Variants in IL32 observed in about 807,000 individuals in gnomAD.
The protein encoded by IL32 is interleukin-32.
Under a neutral mutation model 16.6 loss-of-function variants are expected in IL32, and 30 were observed. The observed-to-expected ratio is 1.81, with a 90% confidence interval of 1.35 to 2.45. IL32 has a LOEUF of 2.45. Ranked by LOEUF, IL32 falls within the 30% of genes most tolerant of loss-of-function variation. IL32 has a pLI of 0.00. For missense variants in IL32, 234 were observed against 229.8 expected, an observed-to-expected ratio of 1.02 and a Z score of -0.12; for synonymous variants, 70 against 86.1, an observed-to-expected ratio of 0.81 and a Z score of 1.03.
At chr16:3,068,808 T>A (rs113198918) in intron 6 of IL32, 182 bp from the exon 7 acceptor site, 1 of 939,584 alleles carries the variant, frequency 1.1e-6, no homozygotes, top group Non-Finnish European at 1.6e-6. Flanking sequence ...GCCATGGAGG[T>A]GAATGCAGAG....
chr16:3,065,584 C>T (rs1567136720), upstream of IL32: 2 of 634,454 alleles, frequency 3.2e-6, no homozygotes, highest in Non-Finnish European at 5.7e-6. Context: ...CTGAGAGAGG[C>T]TCCGCCCACT....
chr16:3,065,847 G>A, intron 2 of IL32, 21 bp downstream of exon 2: 1 of 1,614,004 alleles, frequency 6.2e-7, no homozygotes, highest in South Asian at 1.1e-5. Flanking sequence ...GGCTGCGTGT[G>A]CTTTTGTGGG....
chr16:3,066,737 A>G (rs905981033), intron 2 of IL32, among the ~76,000 whole-genome samples: 1 of 152,172 alleles, frequency 6.6e-6, no homozygotes, highest in Non-Finnish European at 1.5e-5. Context: ...TCAGAGAGGA[A>G]TGGCTGCTGT....
chr16:3,066,472 C>T (rs935767318), intron 2 of IL32, among the ~76,000 whole-genome samples: 1 of 152,210 alleles, frequency 6.6e-6, no homozygotes, highest in Non-Finnish European at 1.5e-5. Flanking sequence ...CAGAATATGT[C>T]CCCAGGCCCT....
At chr16:3,066,299 AG>A (rs1453923156) in intron 2 of IL32, among the ~76,000 whole-genome samples, 2 of 152,120 alleles carry the variant, frequency 1.3e-5, no homozygotes, top group Non-Finnish European at 2.9e-5. Context: ...CTGTGACAAT[AG>A]GGGTTTCCAT....
At chr16:3,067,341 A>C (rs1447325108) in intron 2 of IL32, 36 bp from the exon 3 acceptor site, 2 of 1,252,540 alleles carry the variant, frequency 1.6e-6, no homozygotes, top group Admixed American at 4.4e-5. Context: ...GGTTAAGGTG[A>C]CACATGGAGA....
Position 3,069,483 on chromosome 16 carries a change from A to G in IL32, c.*128A>G. The G allele has an allele frequency of 8.6e-7, 1 of 1,162,504 alleles. No individual in the cohort carries two copies. The highest frequency in any genetic ancestry group is 1.2e-6 in the Non-Finnish European group (1 of 822,948). 72.0% of individuals were successfully genotyped at this position (1,162,504 alleles called of 1,614,324 possible). A position where few individuals can be genotyped will look rare whatever the true frequency, so the allele number is the denominator to read the frequency against. On this transcript the variant is annotated 3_prime_UTR_variant, in exon 7 of 7. Transcript: ENST00000525643. ...GCCTGGCGTTCCTGCCGCAGCTCTG[A>G]CCTGGTGCTGTCGCCCTGGCATCTT...
intron 2 of IL32, 149 bp downstream of exon 2, chr16:3,065,975 T>A (rs772781958): frequency 7.1e-5 from 68 of 960,478 alleles, no homozygotes; most frequent in Non-Finnish European, 1.0e-4. Flanking sequence ...GGTGAGAGTG[T>A]CAGTGGAGGC....
rs545754153 is a variant in IL32 at position 3,066,865 on chromosome 16, C to T, written c.16-512C>T. On this transcript the variant is annotated intron_variant, in intron 2 of 6. Coordinates refer to ENST00000525643, the MANE Select transcript of IL32 (RefSeq NM_001376923.1). The stretch of plus-strand genomic sequence containing the variant: ...CTGCTCCAGGACAGTGTCCATCCTC[C>T]CGTGTGTGTACATGGGGGGGTGTGT... Among the ~76,000 whole-genome samples, 5 of 152,114 alleles carry T rather than the reference C, an allele frequency of 3.3e-5. No homozygotes were observed. The East Asian group carries it at 9.7e-4, about 29-fold the overall frequency.
chr16:3,067,452 G>T, intron 3 of IL32, 37 bp downstream of exon 3: 11 of 1,611,546 alleles, frequency 6.8e-6, no homozygotes, highest in South Asian at 3.3e-5. Flanking sequence ...GGGGTTGGGG[G>T]CCTGGGTCTC....
intron 2 of IL32, among the ~76,000 whole-genome samples, chr16:3,066,877 A>G (rs1195318842): frequency 2.6e-5 from 4 of 151,376 alleles, no homozygotes; most frequent in South Asian, 2.1e-4. Context: ...GTGTGTGTAC[A>G]TGGGGGGGTG....
At chr16:3,067,225 C>T in intron 2 of IL32, 152 bp from the exon 3 acceptor site, 1 of 591,752 alleles carries the variant, frequency 1.7e-6, no homozygotes, top group South Asian at 2.4e-5. Context: ...GTGAGGGGCT[C>T]CTGGGACTGC....
At chr16:3,067,694 A>T (rs1375945136) in intron 4 of IL32, 81 bp downstream of exon 4, 3 of 1,102,596 alleles carry the variant, frequency 2.7e-6, no homozygotes, top group African/African-American at 3.1e-5. Context: ...CAGGGTGAGA[A>T]GGATGAAGAG....
At chr16:3,067,312 TAA>T in intron 2 of IL32, 63 bp from the exon 3 acceptor site, 1 of 826,848 alleles carries the variant, frequency 1.2e-6, no homozygotes, top group Non-Finnish European at 2.0e-6. Context: ...TGTGTGTGTA[TAA>T]ATTATCCTGG....
intron 2 of IL32, 29 bp downstream of exon 2, chr16:3,065,855 G>A: frequency 6.2e-7 from 1 of 1,613,964 alleles, no homozygotes; most frequent in Non-Finnish European, 8.5e-7. Flanking sequence ...GTGCTTTTGT[G>A]GGCATGTCTG....
chr16:3,067,546 C>T lies in IL32; in HGVS notation c.55-8C>T, dbSNP rs758302498. ...GCCCTTTGGTGCCAACTCTGCCTCT[C>T]TTCACAGCACCAGGCCATAGAAAGA... is the stretch of plus-strand genomic sequence containing the variant. On this transcript the variant is annotated splice_region_variant and splice_polypyrimidine_tract_variant and intron_variant, in intron 3 of 6. Transcript: ENST00000525643. 3.7e-6 allele frequency: 6 copies of T among 1,613,986 alleles called. No individual in the cohort carries two copies. In the Admixed American group the frequency reaches 8.3e-5, roughly 22 times the overall value.
At chr16:3,066,577 A>G (rs904486733) in intron 2 of IL32, among the ~76,000 whole-genome samples, 19 of 148,210 alleles carry the variant, frequency 1.3e-4, no homozygotes, top group Non-Finnish European at 8.9e-5. Flanking sequence ...CTCAGCGGGG[A>G]TTCTGTGGGG....
chr16:3,065,934 G>C lies in IL32; in HGVS notation c.15+108G>C. The C allele has an allele frequency of 3.8e-6, 5 of 1,324,850 alleles. No individual in the cohort carries two copies. The East Asian group carries it at 9.2e-5, about 24-fold the overall frequency. 82.1% of individuals were successfully genotyped at this position (1,324,850 alleles called of 1,614,324 possible). ...GTGCCTGTGTGTCAGGGCTCAGTCA[G>C]GGGCACCCAGCGGCAGGAGGATAGT... is the stretch of plus-strand genomic sequence containing the variant. On this transcript the variant is annotated intron_variant, in intron 2 of 6. Coordinates refer to ENST00000525643, the MANE Select transcript of IL32 (RefSeq NM_001376923.1).
intron 2 of IL32, among the ~76,000 whole-genome samples, chr16:3,066,944 T>A (rs1278250791): frequency 1.4e-5 from 2 of 139,406 alleles, no homozygotes; most frequent in Non-Finnish European, 3.1e-5. Context: ...TGAGGAGGGG[T>A]CACCTAGGCC....
Sources: gnomAD v4.1 joint callset for allele counts (sites outside exome capture counted in the v4.1 genomes callset) on GRCh38, gnomAD v4.1.1 for gene constraint, MANE v1.5 for transcripts, NCBI Gene and HGNC (gene_info 2026-07-23, HGNC 2026-07-21) for gene names.